Variants in OGDH observed in about 807,000 individuals in gnomAD.
OGDH encodes oxoglutarate dehydrogenase.
In OGDH, 38 loss-of-function variants were observed where a neutral mutation model predicts 116.6. The observed-to-expected ratio is 0.33, with a 90% CI of 0.25 to 0.43. The LOEUF is 0.43. Among genes scored for constraint, OGDH ranks in the 20% least tolerant of loss-of-function variants. The pLI is 1.00. For missense variants in OGDH, 825 were observed against 1,357.2 expected, an observed-to-expected ratio of 0.61 and a Z score of 6.16; for synonymous variants, 488 against 533.3, an observed-to-expected ratio of 0.92 and a Z score of 1.17.
intron 10 of OGDH, among the ~76,000 whole-genome samples, chr7:44,692,854 G>A (rs1788420305): frequency 6.6e-6 from 1 of 151,732 alleles, no homozygotes. Flanking sequence ...GGGCAACATG[G>A]CAAGACCCCA....
intron 10 of OGDH, among the ~76,000 whole-genome samples, chr7:44,685,349 A>T (rs1174023180): frequency 6.6e-6 from 1 of 152,204 alleles, no homozygotes; most frequent in African/African-American, 2.4e-5. Context: ...TAAGGACTTC[A>T]TATAAATGGA....
intron 1 of OGDH, among the ~76,000 whole-genome samples, chr7:44,616,836 C>G (rs1202750828): frequency 1.7e-5 from 2 of 120,310 alleles, no homozygotes; most frequent in Non-Finnish European, 3.2e-5. Context: ...TGTATATATA[C>G]ACATATACGT....
At position 44,707,301 on chromosome 7, in the gene OGDH, C is replaced by G; in HGVS notation, c.2709C>G (p.Phe903Leu). 6.2e-7 allele frequency: 1 copy of G among 1,614,270 alleles called. No individual in the cohort carries two copies. Among genetic ancestry groups the G allele is most frequent in the Non-Finnish European group, 8.5e-7 (1 of 1,180,050 alleles). ...QNPENVKRLL[F>L]CTGKVYYDLT... ...CAGAAAATGTCAAAAGGCTTCTCTT[C>G]TGCACCGGCAAAGTGTATTATGACC... Residue 903 changes from phenylalanine (F) to leucine (L), a missense_variant, in exon 21 of 23, where the codon TTC becomes TTG. Physicochemically the swap from Phe to Leu is conservative, Grantham distance 22. Transcript: ENST00000222673. The surrounding 1 kb of genome is among the most constrained non-coding windows in gnomAD (Gnocchi z 5.2).
chr7:44,613,751 C>T lies in OGDH; in HGVS notation c.-28+7098C>T, dbSNP rs139499398. On this transcript the variant is annotated intron_variant, in intron 1 of 22. Coordinates refer to ENST00000222673, the MANE Select transcript of OGDH (RefSeq NM_002541.4). ...CCTCAAGTCATCTGCCCACATCGGC[C>T]TCCCAAAGTGCTGGGATAACAGGTG... Among the ~76,000 whole-genome samples the T allele has an allele frequency of 3.7e-3, 557 of 151,824 alleles. 6 individuals are homozygous for T. Among genetic ancestry groups the T allele is most frequent in the African/African-American group, 0.012 (504 of 41,336 alleles).
At chr7:44,643,094 TAAAAAAA>T (rs769649359) in intron 2 of OGDH, among the ~76,000 whole-genome samples, 6 of 124,472 alleles carry the variant, frequency 4.8e-5, no homozygotes, top group Admixed American at 8.2e-5. Context: ...CCTGTTTCTT[TAAAAAAA>T]AAAAAAAAAA....
At chr7:44,615,238 A>C (rs1346922998) in intron 1 of OGDH, among the ~76,000 whole-genome samples, 3 of 152,190 alleles carry the variant, frequency 2.0e-5, no homozygotes, top group Non-Finnish European at 4.4e-5. Flanking sequence ...TAAGCAATGC[A>C]GGCTTCCTCT....
At chr7:44,624,289 T>TCG in intron 1 of OGDH, 28 bp from the exon 2 acceptor site, 1 of 1,337,180 alleles carries the variant, frequency 7.5e-7, no homozygotes, top group East Asian at 2.3e-5. Context: ...CCTTTCTTTC[T>TCG]TGTTTTTTTT....
At chr7:44,675,848 A>C in intron 8 of OGDH, 122 bp from the exon 9 acceptor site, 1 of 1,017,312 alleles carries the variant, frequency 9.8e-7, no homozygotes, top group Non-Finnish European at 1.4e-6. Context: ...TTGCACTCCA[A>C]CCTGGGCAAC....
chr7:44,705,756 T>C (rs1012915433), intron 20 of OGDH, among the ~76,000 whole-genome samples: 1 of 152,180 alleles, frequency 6.6e-6, no homozygotes, highest in Non-Finnish European at 1.5e-5. Context: ...CCTCTTCTTA[T>C]TGTTCATTGT....
chr7:44,609,316 A>G (rs546886575), intron 1 of OGDH, among the ~76,000 whole-genome samples: 58 of 147,466 alleles, frequency 3.9e-4, no homozygotes, highest in African/African-American at 1.3e-3. Flanking sequence ...GAGTCTGAGG[A>G]ACATAGTGAG....
At chr7:44,670,439 C>A (rs1787380449) in intron 5 of OGDH, among the ~76,000 whole-genome samples, 1 of 152,098 alleles carries the variant, frequency 6.6e-6, no homozygotes, top group Non-Finnish European at 1.5e-5. Context: ...GGCATGGACC[C>A]CATCCAAAGA....
chr7:44,655,648 A>G (rs1277457587), intron 4 of OGDH, among the ~76,000 whole-genome samples: 2 of 152,242 alleles, frequency 1.3e-5, no homozygotes, highest in Non-Finnish European at 2.9e-5. Context: ...TTGTGTATCC[A>G]AATAAATGCC....
intron 1 of OGDH, among the ~76,000 whole-genome samples, chr7:44,617,273 C>T (rs956082819): frequency 5.3e-5 from 8 of 152,032 alleles, no homozygotes; most frequent in Admixed American, 2.6e-4. Context: ...TTTCAAAGTG[C>T]TTTCATATTT....
At chr7:44,693,479 A>T (rs1788451720) in intron 10 of OGDH, among the ~76,000 whole-genome samples, 1 of 152,156 alleles carries the variant, frequency 6.6e-6, no homozygotes, top group Admixed American at 6.6e-5. Context: ...TAATAGAAAT[A>T]ATAAGATCCC....
intron 1 of OGDH, among the ~76,000 whole-genome samples, chr7:44,607,953 C>T (rs930441105): frequency 2.6e-5 from 4 of 152,120 alleles, no homozygotes; most frequent in South Asian, 2.1e-4. Context: ...CCGCCCGCCT[C>T]GGCCCCCAAA....
chr7:44,678,864 A>G (rs1787809956), intron 9 of OGDH, among the ~76,000 whole-genome samples: 1 of 152,218 alleles, frequency 6.6e-6, no homozygotes, highest in Non-Finnish European at 1.5e-5. Context: ...TTCGTGAAGA[A>G]TTACATACTT....
At chr7:44,676,407 T>G in intron 9 of OGDH, 3 of 660,616 alleles carry the variant, frequency 4.5e-6, no homozygotes, top group Non-Finnish European at 7.0e-6. Context: ...AATACAAAAT[T>G]AGCTGGGCGT....
chr7:44,619,772 T>G (rs1784938889), intron 1 of OGDH, among the ~76,000 whole-genome samples: 1 of 152,150 alleles, frequency 6.6e-6, no homozygotes, highest in South Asian at 2.1e-4. Context: ...TTCTCTTGAT[T>G]ATATATCTAG....
intron 8 of OGDH, among the ~76,000 whole-genome samples, chr7:44,675,613 C>T (rs1284934642): frequency 2.0e-5 from 3 of 152,140 alleles, no homozygotes; most frequent in African/African-American, 7.2e-5. Flanking sequence ...CATGGTGGCT[C>T]ACATCCGTAA....
Sources: gnomAD v4.1 joint callset for allele counts (sites outside exome capture counted in the v4.1 genomes callset) on GRCh38, gnomAD v4.1.1 for gene constraint, Gnocchi (gnomAD v3.1) non-coding constraint, MANE v1.5 for transcripts, NCBI Gene and HGNC (gene_info 2026-07-23, HGNC 2026-07-21) for gene names.